Variants in PAN3 observed in about 807,000 individuals in gnomAD.
PAN3 encodes the protein PAN2-PAN3 deadenylation complex subunit PAN3.
A neutral mutation model predicts 96.2 loss-of-function variants in PAN3; 19 were observed. The ratio of observed to expected loss-of-function variants is 0.20; its 90% CI spans 0.14 to 0.29. The LOEUF (loss-of-function observed/expected upper bound fraction) is 0.29. PAN3 is among the 10% of genes least tolerant of loss of function. The pLI is 1.00. For missense variants in PAN3, 882 were observed against 1,108.1 expected (o/e 0.80, Z 2.90); for synonymous variants, 433 against 406.6 (o/e 1.06, Z -0.78).
chr13:28,213,818 A>G (rs1020732402), intron 5 of PAN3, among the ~76,000 whole-genome samples: 1 of 152,196 alleles, frequency 6.6e-6, no homozygotes, highest in East Asian at 1.9e-4. Flanking sequence ...TGGACACTTC[A>G]AAGAAGATAT....
intron 5 of PAN3, among the ~76,000 whole-genome samples, chr13:28,206,944 A>G (rs1879448979): frequency 6.6e-6 from 1 of 151,866 alleles, no homozygotes; most frequent in Non-Finnish European, 1.5e-5. Context: ...ATTCTATTAT[A>G]TTTCTGGTTT....
chr13:28,241,426 G>C (rs1555286870), intron 6 of PAN3, among the ~76,000 whole-genome samples: 2 of 152,136 alleles, frequency 1.3e-5, no homozygotes, highest in South Asian at 2.1e-4. Context: ...TAATTATGCT[G>C]AAATACCTTC....
chr13:28,205,930 A>G (rs988324974), intron 5 of PAN3, among the ~76,000 whole-genome samples: 20 of 151,426 alleles, frequency 1.3e-4, no homozygotes, highest in African/African-American at 4.6e-4. Context: ...TTTCATTAAT[A>G]TTCTTATTTT....
chr13:28,290,360 G>C (rs768896672), intron 18 of PAN3, among the ~76,000 whole-genome samples: 1 of 152,132 alleles, frequency 6.6e-6, no homozygotes, highest in Non-Finnish European at 1.5e-5. Context: ...AACTCTATAA[G>C]GAGTATTGTC....
At chr13:28,194,466 A>ATATATATATATTTT (rs1429166016) in intron 4 of PAN3, among the ~76,000 whole-genome samples, 5 of 122,132 alleles carry the variant, frequency 4.1e-5, no homozygotes, top group African/African-American at 1.8e-4. Context: ...ATATATATAT[A>ATATATATATATTTT]TTTTTTTTTT....
intron 6 of PAN3, among the ~76,000 whole-genome samples, chr13:28,224,082 A>C (rs145338986): frequency 6.6e-6 from 1 of 151,532 alleles, no homozygotes; most frequent in Non-Finnish European, 1.5e-5. Flanking sequence ...CATGTTAGCC[A>C]GGATGGTCTC....
At chr13:28,251,108 T>C (rs555899563) in intron 6 of PAN3, among the ~76,000 whole-genome samples, 8 of 152,322 alleles carry the variant, frequency 5.3e-5, no homozygotes, top group African/African-American at 1.9e-4. Flanking sequence ...TGATGTTTTT[T>C]CCCTTTAATT....
chr13:28,177,218 A>G (rs1207280794), intron 3 of PAN3, among the ~76,000 whole-genome samples: 1 of 152,144 alleles, frequency 6.6e-6, no homozygotes, highest in African/African-American at 2.4e-5. Flanking sequence ...ATTAAGATAT[A>G]TAATTTTATT....
At chr13:28,231,739 A>G (rs1882575103) in intron 6 of PAN3, among the ~76,000 whole-genome samples, 1 of 152,116 alleles carries the variant, frequency 6.6e-6, no homozygotes, top group South Asian at 2.1e-4. Context: ...TCTCAAAACA[A>G]ATAAACAACA....
chr13:28,267,103 C>G lies in PAN3; in HGVS notation c.1582C>G (p.Leu528Val), dbSNP rs750286273. The change falls in exon 11 of 19, where the codon CTT becomes GTT. Residue 528 changes from leucine to valine, a missense_variant. By Grantham distance (32) the Leu-to-Val change is conservative. This residue lies in a region of PAN3 where 364 missense variants were observed against 513.6 expected (regional missense o/e 0.71). Transcript: ENST00000380958. ...GAAAAATTGTCTTCCAGGTTTTCGT[C>G]TTGTTAACACAAAGTGCATGGTGTT... ...YCLRRIHGFRLVNTKCMVLVD... is the reference protein window; with the variant it reads ...YCLRRIHGFRVVNTKCMVLVD... The G allele has an allele frequency of 1.9e-6, 3 of 1,597,464 alleles. No individual in the cohort carries two copies. The South Asian group carries it at 3.4e-5, about 18-fold the overall frequency.
intron 4 of PAN3, among the ~76,000 whole-genome samples, chr13:28,196,149 A>AT (rs1399697689): frequency 1.3e-5 from 2 of 151,828 alleles, no homozygotes; most frequent in East Asian, 3.9e-4. Context: ...ATGAGCCACC[A>AT]TGCCTGGCCA....
At chr13:28,166,584 A>C (rs371782106) in intron 1 of PAN3, among the ~76,000 whole-genome samples, 10 of 152,064 alleles carry the variant, frequency 6.6e-5, no homozygotes, top group African/African-American at 2.2e-4. Context: ...TGCCTTCACA[A>C]CTTCACTAGA....
intron 7 of PAN3, among the ~76,000 whole-genome samples, chr13:28,259,805 A>G (rs559600221): frequency 4.0e-5 from 6 of 151,692 alleles, no homozygotes; most frequent in East Asian, 2.0e-4. Flanking sequence ...TGCCCCACTA[A>G]TTTTGTATTT....
At chr13:28,203,810 T>C (rs911831311) in intron 5 of PAN3, among the ~76,000 whole-genome samples, 1 of 149,830 alleles carries the variant, frequency 6.7e-6, no homozygotes, top group African/African-American at 2.5e-5. Context: ...TTCTTTTCTT[T>C]TTTTTTTTTT....
chr13:28,173,550 T>G (rs1874576201), intron 1 of PAN3, among the ~76,000 whole-genome samples: 1 of 152,204 alleles, frequency 6.6e-6, no homozygotes, highest in Non-Finnish European at 1.5e-5. Flanking sequence ...ATCCCTTCTA[T>G]CCACATTTTT....
At chr13:28,264,498 C>T (rs553548421) in intron 9 of PAN3, among the ~76,000 whole-genome samples, 109 of 152,038 alleles carry the variant, frequency 7.2e-4, no homozygotes, top group East Asian at 7.7e-4. Flanking sequence ...TGTGCCATTG[C>T]GCTCCATCCT....
intron 17 of PAN3, among the ~76,000 whole-genome samples, chr13:28,283,713 C>A (rs543790378): frequency 6.6e-6 from 1 of 152,090 alleles, no homozygotes; most frequent in African/African-American, 2.4e-5. Context: ...TCATAACAAC[C>A]CTATGATGGA....
chr13:28,243,172 T>C (rs1883845296), intron 6 of PAN3, among the ~76,000 whole-genome samples: 1 of 152,232 alleles, frequency 6.6e-6, no homozygotes, highest in Non-Finnish European at 1.5e-5. Context: ...GAAGTGCTCA[T>C]AGTTGATATT....
rs1019637675 is a variant in PAN3 at position 28,146,300 on chromosome 13, G to C, written c.430+7213G>C. Among the ~76,000 whole-genome samples, 38 of 143,506 alleles carry C rather than the reference G, an allele frequency of 2.6e-4. No homozygotes were observed. The East Asian group carries it at 3.1e-3, about 12-fold the overall frequency. The allele number at this position is 143,506 out of a possible 152,430, so 94.1% of individuals were successfully genotyped here. A position where few individuals can be genotyped will look rare whatever the true frequency, so the allele number is the denominator to read the frequency against. ...TATATATATTTTTTCCTCTTTCTCT[G>C]TCTCTCTCTCTCTCTCTCTCTCTCT... On this transcript the variant is annotated intron_variant, in intron 1 of 18. Transcript: ENST00000380958.
Sources: gnomAD v4.1 joint callset for allele counts (sites outside exome capture counted in the v4.1 genomes callset) on GRCh38, gnomAD v4.1.1 for gene constraint, gnomAD v4.1.1 regional missense constraint, MANE v1.5 for transcripts, NCBI Gene and HGNC (gene_info 2026-07-23, HGNC 2026-07-21) for gene names.